MYO3A: variants seen among roughly 807,000 people sequenced by gnomAD.
The protein encoded by MYO3A is myosin-IIIa.
Under a neutral mutation model 192.7 loss-of-function variants are expected in MYO3A, and 180 were observed. The observed-to-expected ratio is 0.93, with a 90% CI of 0.83 to 1.06. MYO3A has a LOEUF of 1.06. MYO3A is among the 50% of genes least tolerant of loss of function. The pLI is 0.00. For synonymous variants in MYO3A, 628 were observed against 645.3 expected, an observed-to-expected ratio of 0.97 and a Z score of 0.41; for missense variants, 1,896 against 1,905.0, an observed-to-expected ratio of 1.00 and a Z score of 0.09.
Position 26,154,675 on chromosome 10 carries a change from G to A in MYO3A, c.2716-71G>A, listed in dbSNP as rs1490404627. 10 of 1,384,040 alleles carry A rather than the reference G, an allele frequency of 7.2e-6. No individual in the cohort carries two copies. In the East Asian group the frequency reaches 2.3e-4, roughly 32 times the overall value. 85.7% of individuals were successfully genotyped at this position (1,384,040 alleles called of 1,614,324 possible). On this transcript the variant is annotated intron_variant, in intron 24 of 34. Transcript: ENST00000642920. ...AAACTAAGATAGCCTGAAGGAAAAT[G>A]CCACATGCTGTCTGTAGATAATAAA...
chr10:26,041,611 C>T (rs72793955), intron 10 of MYO3A, among the ~76,000 whole-genome samples: 24,689 of 151,724 alleles, frequency 0.16, 2,299 homozygotes, highest in Non-Finnish European at 0.21. Context: ...TGATTTGAGG[C>T]CACCACAAGG....
chr10:26,149,921 A>G (rs1840700628), intron 23 of MYO3A, among the ~76,000 whole-genome samples: 2 of 152,166 alleles, frequency 1.3e-5, no homozygotes, highest in South Asian at 2.1e-4. Context: ...CTCTAGCTCT[A>G]TGAAATCAAC....
In MYO3A at chr10:26,201,385, A is replaced by T. The variant is rs1244874599; in HGVS notation, c.4586+80A>T. The T allele has an allele frequency of 9.3e-6, 11 of 1,178,806 alleles. No individual in the cohort carries two copies. In the East Asian group the frequency reaches 2.9e-4, roughly 31 times the overall value. The allele number at this position is 1,178,806 out of a possible 1,614,324, so 73.0% of individuals were successfully genotyped here. On this transcript the variant is annotated intron_variant, in intron 33 of 34. Transcript: ENST00000642920. ...TCCATGTGTTCAAATTATGATTTAA[A>T]ATCACCTATTTTAGGCCAGGCGCGG...
intron 8 of MYO3A, among the ~76,000 whole-genome samples, chr10:26,023,713 G>T (rs183974988): frequency 1.6e-3 from 240 of 152,186 alleles, no homozygotes; most frequent in African/African-American, 5.3e-3. Flanking sequence ...AGTATCTATT[G>T]TTTCTATTCT....
intron 25 of MYO3A, among the ~76,000 whole-genome samples, chr10:26,156,632 AC>A (rs1478605421): frequency 6.6e-6 from 1 of 152,170 alleles, no homozygotes. Flanking sequence ...AACGCTATTG[AC>A]TTTTCTGTCC....
chr10:26,136,980 T>C (rs557430745), intron 20 of MYO3A, among the ~76,000 whole-genome samples: 1 of 151,684 alleles, frequency 6.6e-6, no homozygotes, highest in Non-Finnish European at 1.5e-5. Flanking sequence ...TTCGTGCCAC[T>C]GCACTCCAGC....
chr10:26,050,506 A>G (rs1312684513), intron 10 of MYO3A, among the ~76,000 whole-genome samples: 1 of 152,210 alleles, frequency 6.6e-6, no homozygotes, highest in African/African-American at 2.4e-5. Context: ...TTCTACTTAC[A>G]GAAACTGTGT....
chr10:25,938,312 G>GT (rs1194720695), intron 2 of MYO3A, among the ~76,000 whole-genome samples: 2 of 152,208 alleles, frequency 1.3e-5, no homozygotes, highest in Non-Finnish European at 2.9e-5. Flanking sequence ...TAACAATGTT[G>GT]TAAGTCCCGT....
intron 31 of MYO3A, among the ~76,000 whole-genome samples, chr10:26,192,035 C>A (rs1193363213): frequency 6.6e-6 from 1 of 152,108 alleles, no homozygotes; most frequent in Non-Finnish European, 1.5e-5. Context: ...ATCTATCTGT[C>A]GAGCAGACAT....
intron 4 of MYO3A, among the ~76,000 whole-genome samples, chr10:25,984,559 C>A (rs957674971): frequency 1.3e-5 from 2 of 152,156 alleles, no homozygotes; most frequent in Admixed American, 6.5e-5. Flanking sequence ...TCCAAGCCCC[C>A]CTCCCTTGTC....
intron 10 of MYO3A, among the ~76,000 whole-genome samples, chr10:26,035,790 A>C (rs1842999880): frequency 6.6e-6 from 1 of 152,160 alleles, no homozygotes; most frequent in South Asian, 2.1e-4. Flanking sequence ...TGATGGACAG[A>C]TTTTGTTTGA....
intron 6 of MYO3A, among the ~76,000 whole-genome samples, chr10:26,004,114 T>C (rs569980145): frequency 9.2e-5 from 14 of 152,214 alleles, no homozygotes; most frequent in African/African-American, 2.4e-4. Flanking sequence ...GTAGGCAGTT[T>C]GGAGTCTGAG....
intron 14 of MYO3A, among the ~76,000 whole-genome samples, chr10:26,073,887 A>G (rs995609655): frequency 1.3e-5 from 2 of 152,148 alleles, no homozygotes; most frequent in African/African-American, 4.8e-5. Flanking sequence ...ATTATCCTAT[A>G]TGTAGACTGC....
intron 4 of MYO3A, among the ~76,000 whole-genome samples, chr10:25,982,523 C>T (rs1369515948): frequency 6.6e-6 from 1 of 152,126 alleles, no homozygotes; most frequent in African/African-American, 2.4e-5. Flanking sequence ...AAAAACACAA[C>T]CAAAGACCTT....
chr10:26,093,633 G>T (rs1836837054), intron 15 of MYO3A, among the ~76,000 whole-genome samples: 1 of 151,974 alleles, frequency 6.6e-6, no homozygotes, highest in Non-Finnish European at 1.5e-5. Context: ...GTCTCACATT[G>T]TATATTTACC....
At position 26,128,384 on chromosome 10, in the gene MYO3A, C is replaced by A. The variant is rs764917474; in HGVS notation, c.2115-7C>A. The A allele has an allele frequency of 7.4e-6, 12 of 1,612,126 alleles. No homozygotes were observed. The highest frequency in any genetic ancestry group is 1.7e-5 in the Admixed American group (1 of 59,970). On this transcript the variant is annotated splice_polypyrimidine_tract_variant and splice_region_variant and intron_variant, in intron 19 of 34. Transcript: ENST00000642920. ...AACTCAAAATAATGCCTCTTCAATT[C>A]TTCTAGTGGGAATGGTGATGAGCTG...
intron 10 of MYO3A, among the ~76,000 whole-genome samples, chr10:26,028,290 T>G (rs894579108): frequency 1.1e-4 from 16 of 152,222 alleles, no homozygotes; most frequent in African/African-American, 3.6e-4. Context: ...GGATTCAAAT[T>G]CTGATCTTAA....
In MYO3A at chr10:26,168,944, C is replaced by T. The variant is rs901840151; in HGVS notation, c.3274+70C>T. The T allele has an allele frequency of 5.5e-6, 8 of 1,448,674 alleles. No homozygotes were observed. The Admixed American group carries it at 7.1e-5, about 13-fold the overall frequency. The allele number at this position is 1,448,674 out of a possible 1,614,324, so 89.7% of individuals were successfully genotyped here. A position where few individuals can be genotyped will look rare whatever the true frequency, so the allele number is the denominator to read the frequency against. The stretch of plus-strand genomic sequence containing the variant: ...TATAATACTTCTTACAGGCAAACCT[C>T]CAATTCTTGTGTAGCTTTTGTGTTT... On this transcript the variant is annotated intron_variant, in intron 28 of 34. Transcript: ENST00000642920.
At chr10:26,037,716 G>A (rs72793945) in intron 10 of MYO3A, among the ~76,000 whole-genome samples, 15,958 of 152,124 alleles carry the variant, frequency 0.1, 892 homozygotes, top group Non-Finnish European at 0.12. Flanking sequence ...TGTTCCTCAG[G>A]CTGTCCAGGA....
Sources: gnomAD v4.1 joint callset for allele counts (sites outside exome capture counted in the v4.1 genomes callset) on GRCh38, gnomAD v4.1.1 for gene constraint, MANE v1.5 for transcripts, NCBI Gene and HGNC (gene_info 2026-07-23, HGNC 2026-07-21) for gene names.